The following SLC41A3 variants were observed in gnomAD, a reference collection of about 807,000 sequenced individuals.
SLC41A3 encodes the protein SLC41A1-like 2.
Under a neutral mutation model 45.4 loss-of-function variants are expected in SLC41A3, and 44 were observed. That is an observed-to-expected ratio of 0.97 (90% CI 0.76 to 1.25). The LOEUF (loss-of-function observed/expected upper bound fraction) is 1.25, where lower values mean the gene tolerates loss of function less well. Ranked by LOEUF, SLC41A3 falls within the 50% of genes most tolerant of loss-of-function variation. SLC41A3 has a pLI of 0.00. For missense variants in SLC41A3, 550 were observed against 600.6 expected (o/e 0.92, Z 0.88); for synonymous variants, 256 against 252.4 (o/e 1.01, Z -0.13).
intron 1 of SLC41A3, among the ~76,000 whole-genome samples, chr3:126,074,475 G>C (rs939094213): frequency 2.6e-5 from 4 of 151,982 alleles, no homozygotes; most frequent in African/African-American, 7.2e-5. Flanking sequence ...GACGTATCCA[G>C]CTTGAAAAGG....
At chr3:126,043,987 A>T (rs1432665394) in intron 3 of SLC41A3, among the ~76,000 whole-genome samples, 1 of 152,146 alleles carries the variant, frequency 6.6e-6, no homozygotes, top group Admixed American at 6.5e-5. Context: ...AAATACAAAA[A>T]CTAGCAGAAT....
chr3:126,051,148 T>A, intron 2 of SLC41A3, 98 bp from the exon 3 acceptor site: 1 of 1,332,552 alleles, frequency 7.5e-7, no homozygotes. Flanking sequence ...TTTCACTCCC[T>A]ATAAAATGAA....
At chr3:126,085,477 C>A (rs566603737), upstream of SLC41A3, 2 of 152,334 alleles carry the variant, frequency 1.3e-5, no homozygotes, top group South Asian at 2.1e-4. Context: ...TGAAGCCTCC[C>A]AGACTTCTAG....
intron 1 of SLC41A3, among the ~76,000 whole-genome samples, chr3:126,101,266 T>TTCC (rs1945704207): frequency 2.6e-5 from 4 of 152,250 alleles, no homozygotes; most frequent in Non-Finnish European, 4.4e-5. Context: ...TCCTGTTGAC[T>TTCC]AGAACTTGGT....
chr3:126,054,821 C>G (rs1467643988), intron 2 of SLC41A3, among the ~76,000 whole-genome samples: 1 of 152,088 alleles, frequency 6.6e-6, no homozygotes, highest in Admixed American at 6.6e-5. Flanking sequence ...CCAGCATCAG[C>G]AGGGTGGTCT....
intron 1 of SLC41A3, among the ~76,000 whole-genome samples, chr3:126,071,320 T>C (rs889014057): frequency 2.0e-5 from 3 of 152,184 alleles, no homozygotes; most frequent in African/African-American, 7.2e-5. Flanking sequence ...AAGAAGGATA[T>C]TTGATAATGA....
At chr3:126,019,303 G>T (rs911698062) in intron 6 of SLC41A3, among the ~76,000 whole-genome samples, 1 of 152,172 alleles carries the variant, frequency 6.6e-6, no homozygotes, top group East Asian at 1.9e-4. Flanking sequence ...ATCTGTTCAT[G>T]AGGGCAGAGC....
intron 1 of SLC41A3, among the ~76,000 whole-genome samples, chr3:126,098,587 C>T (rs771301445): frequency 1.8e-4 from 27 of 152,350 alleles, no homozygotes; most frequent in Non-Finnish European, 2.9e-4. Flanking sequence ...TTCCCAGCTC[C>T]CAGATGGACC....
upstream of SLC41A3, among the ~76,000 whole-genome samples, chr3:126,086,824 G>A (rs767848462): frequency 6.6e-6 from 1 of 150,542 alleles, no homozygotes; most frequent in Non-Finnish European, 1.5e-5. Context: ...TGCCTAATAC[G>A]CTATGCATTT....
intron 1 of SLC41A3, among the ~76,000 whole-genome samples, chr3:126,083,373 A>C (rs1244352029): frequency 6.6e-6 from 1 of 152,226 alleles, no homozygotes; most frequent in Non-Finnish European, 1.5e-5. Flanking sequence ...TTGATCACTA[A>C]AGTCATATGG....
chr3:126,089,182 A>G (rs1347053017), upstream of SLC41A3, among the ~76,000 whole-genome samples: 2 of 152,222 alleles, frequency 1.3e-5, no homozygotes, highest in Admixed American at 6.5e-5. Context: ...TCCCTTTTAC[A>G]TGGTTGCCCC....
Position 126,007,222 on chromosome 3 carries a change from T to C in SLC41A3, c.1258A>G (p.Thr420Ala), listed in dbSNP as rs1468111251. 6.2e-7 allele frequency: 1 copy of C among 1,613,560 alleles called. No individual in the cohort carries two copies. The highest frequency in any genetic ancestry group is 8.5e-7 in the Non-Finnish European group (1 of 1,179,738). Residue 420 changes from threonine (T) to alanine (A), a missense_variant, in exon 11 of 11, where the codon ACA becomes GCA. Transcript: ENST00000360370. ...ACTTCTGCGAGGTACAGCAGGATTG[T>C]CACCTGTCAGAAGGGCAAAGAGACA... ...LYLLAGLIQV[T>A]ILLYLAEVMV...
chr3:126,007,085 G>A lies in SLC41A3; in HGVS notation c.1395C>T (p.Phe465=). The A allele has an allele frequency of 6.2e-7, 1 of 1,614,220 alleles. No homozygotes were observed. Among genetic ancestry groups the A allele is most frequent in the Non-Finnish European group, 8.5e-7 (1 of 1,180,042 alleles). The change falls in exon 11 of 11, where the codon TTC becomes TTT. Residue 465 remains phenylalanine, a synonymous_variant. Coordinates refer to ENST00000360370, the MANE Select transcript of SLC41A3 (RefSeq NM_017836.4). ...CCTTGCTCTTCAGTAGCCAGTCAGT[G>A]AAAAAGCAGAGTGCCAGGAGGCCAG... The part of the protein sequence containing the change: ...LGTGLLALCF[F]TDWLLKSKAE...
intron 3 of SLC41A3, among the ~76,000 whole-genome samples, chr3:126,034,507 G>A (rs147685761): frequency 3.3e-5 from 5 of 152,304 alleles, no homozygotes; most frequent in Admixed American, 3.3e-4. Flanking sequence ...GAGCCTTTTT[G>A]TCTTCAGCAC....
chr3:126,007,232 G>C lies in SLC41A3; in HGVS notation c.1255-7C>G. The C allele has an allele frequency of 6.2e-7, 1 of 1,613,218 alleles. No individual in the cohort carries two copies. Among genetic ancestry groups the C allele is most frequent in the Non-Finnish European group, 8.5e-7 (1 of 1,179,478 alleles). ...GGTACAGCAGGATTGTCACCTGTCA[G>C]AAGGGCAAAGAGACACAAAAGAAGA... On this transcript the variant is annotated splice_polypyrimidine_tract_variant and splice_region_variant and intron_variant, in intron 10 of 10. Transcript: ENST00000360370.
At chr3:126,064,165 T>C (rs368613111) in intron 2 of SLC41A3, among the ~76,000 whole-genome samples, 3 of 151,754 alleles carry the variant, frequency 2.0e-5, no homozygotes, top group African/African-American at 2.4e-5. Flanking sequence ...GGCCTAAAAC[T>C]ACGAAGTGCG....
chr3:126,086,415 T>G (rs1431088147), upstream of SLC41A3, among the ~76,000 whole-genome samples: 1 of 135,560 alleles, frequency 7.4e-6, no homozygotes, highest in Admixed American at 7.6e-5. Flanking sequence ...CTTGTTTTTT[T>G]TTTTTTTTTT....
chr3:126,079,301 C>CAT (rs1415447364), intron 1 of SLC41A3, among the ~76,000 whole-genome samples: 1 of 151,600 alleles, frequency 6.6e-6, no homozygotes, highest in Non-Finnish European at 1.5e-5. Flanking sequence ...CACACACACA[C>CAT]ACACAATAGA....
chr3:126,066,341 A>G (rs1374601706), intron 2 of SLC41A3, among the ~76,000 whole-genome samples: 1 of 152,248 alleles, frequency 6.6e-6, no homozygotes, highest in Non-Finnish European at 1.5e-5. Context: ...CAGAAAAGCC[A>G]GCTAAACTTC....
Sources: gnomAD v4.1 joint callset for allele counts (sites outside exome capture counted in the v4.1 genomes callset) on GRCh38, gnomAD v4.1.1 for gene constraint, MANE v1.5 for transcripts, NCBI Gene and HGNC (gene_info 2026-07-23, HGNC 2026-07-21) for gene names.